Variants in SEMA6D observed in about 807,000 individuals in gnomAD.
The protein encoded by SEMA6D is semaphorin 6D.
In SEMA6D, 35 loss-of-function variants were observed where a neutral mutation model predicts 106.6. The observed-to-expected ratio is 0.33, with a 90% CI of 0.25 to 0.44. The LOEUF is 0.44. Ranked by LOEUF, SEMA6D falls within the 20% of genes least tolerant of loss-of-function variation. SEMA6D has a pLI of 1.00. For missense variants in SEMA6D, 1,185 were observed against 1,345.9 expected (o/e 0.88, Z 1.87); for synonymous variants, 499 against 487.7 (o/e 1.02, Z -0.31).
chr15:47,336,759 G>A (rs572370733), intron 1 of SEMA6D, among the ~76,000 whole-genome samples: 2 of 152,288 alleles, frequency 1.3e-5, no homozygotes, highest in Non-Finnish European at 2.9e-5. Flanking sequence ...CTCTGAAACA[G>A]TGTGGGGTGC....
chr15:47,654,207 A>T (rs560317304), intron 4 of SEMA6D, among the ~76,000 whole-genome samples: 1 of 152,258 alleles, frequency 6.6e-6, no homozygotes, highest in African/African-American at 2.4e-5. Context: ...ACCACTTTTT[A>T]ACCAGTTTTG....
chr15:47,543,362 A>G (rs2045415742), intron 3 of SEMA6D, among the ~76,000 whole-genome samples: 1 of 152,176 alleles, frequency 6.6e-6, no homozygotes, highest in East Asian at 1.9e-4. Context: ...TTCTCATGAT[A>G]GGGAATAAGT....
chr15:47,422,188 T>G (rs56219593), intron 2 of SEMA6D, among the ~76,000 whole-genome samples: 2,928 of 79,322 alleles, frequency 0.037, 56 homozygotes, highest in African/African-American at 0.12. Flanking sequence ...CTGCCTTCCT[T>G]CCTTCCTTCC....
Position 47,771,068 on chromosome 15 carries a change from T to C in SEMA6D, c.2505T>C (p.His835=). 1.2e-6 allele frequency: 2 copies of C among 1,614,158 alleles called. No homozygotes were observed. The highest frequency in any genetic ancestry group is 1.7e-6 in the Non-Finnish European group (2 of 1,180,002). ...PSAIVLPNAT[H]DYNTSFSNSN... is the part of the protein sequence containing the mutation. Reference sequence around the variant, plus strand: ...CCATTGTTCTTCCAAATGCTACCCATGACTACAACACGTCTTTCTCAAACT... The same window carrying C: ...CCATTGTTCTTCCAAATGCTACCCACGACTACAACACGTCTTTCTCAAACT... Residue 835 remains histidine (H), a synonymous_variant, in exon 19 of 19, where the codon CAT becomes CAC. Transcript: ENST00000536845.
At chr15:47,541,668 G>A (rs1319729126) in intron 3 of SEMA6D, among the ~76,000 whole-genome samples, 1 of 152,146 alleles carries the variant, frequency 6.6e-6, no homozygotes, top group Admixed American at 6.6e-5. Flanking sequence ...ACAGAATCCT[G>A]TATCTACAGA....
chr15:47,559,528 A>G (rs1290870226), intron 3 of SEMA6D, among the ~76,000 whole-genome samples: 2 of 152,182 alleles, frequency 1.3e-5, no homozygotes, highest in Non-Finnish European at 2.9e-5. Flanking sequence ...TGACAGTTAA[A>G]GCTTAGTAGA....
At chr15:47,635,494 T>C (rs1235638000) in intron 4 of SEMA6D, among the ~76,000 whole-genome samples, 2 of 152,214 alleles carry the variant, frequency 1.3e-5, no homozygotes, top group Non-Finnish European at 2.9e-5. Flanking sequence ...GCCAGACAGA[T>C]GTCTTAAGAT....
intron 1 of SEMA6D, among the ~76,000 whole-genome samples, chr15:47,223,375 CAA>C (rs1436201305): frequency 4.6e-5 from 7 of 152,064 alleles, no homozygotes; most frequent in African/African-American, 1.4e-4. Context: ...ACTTTTCTGT[CAA>C]AGAGATTTGT....
In SEMA6D at chr15:47,764,850, T is replaced by C. The variant is rs369065694; in HGVS notation, c.1254-33T>C. 37 of 1,613,242 alleles carry C rather than the reference T, an allele frequency of 2.3e-5. No homozygotes were observed. The African/African-American group carries it at 4.8e-4, about 21-fold the overall frequency. Reference sequence around the variant, plus strand: ...TCAACGTTTTCTCTGCCCGTTGGCCTCCCCTTCTGATCTGTGCCGCCTCCT... The same window carrying C: ...TCAACGTTTTCTCTGCCCGTTGGCCCCCCCTTCTGATCTGTGCCGCCTCCT... On this transcript the variant is annotated intron_variant, in intron 12 of 18. Coordinates refer to ENST00000536845, the MANE Select transcript of SEMA6D (RefSeq NM_001358351.3).
At chr15:47,535,175 T>C (rs2045118341) in intron 3 of SEMA6D, among the ~76,000 whole-genome samples, 1 of 150,194 alleles carries the variant, frequency 6.7e-6, no homozygotes, top group South Asian at 2.1e-4. Context: ...AGCAACAGAG[T>C]CTGAGAAAGC....
chr15:47,224,189 T>A (rs991239058), intron 1 of SEMA6D, among the ~76,000 whole-genome samples: 9 of 151,554 alleles, frequency 5.9e-5, no homozygotes, highest in Non-Finnish European at 1.2e-4. Context: ...AAAATAAAAT[T>A]AAATTTAAAA....
At chr15:47,305,660 A>T (rs574843401) in intron 1 of SEMA6D, among the ~76,000 whole-genome samples, 18 of 152,326 alleles carry the variant, frequency 1.2e-4, no homozygotes, top group South Asian at 8.3e-4. Flanking sequence ...TCTGAAGCAC[A>T]TGTTAATGAA....
At chr15:47,344,765 G>A (rs1303672306) in intron 1 of SEMA6D, among the ~76,000 whole-genome samples, 1 of 152,152 alleles carries the variant, frequency 6.6e-6, no homozygotes, top group African/African-American at 2.4e-5. Context: ...AGGAAAAGAA[G>A]TAAAACTCTT....
intron 1 of SEMA6D, among the ~76,000 whole-genome samples, chr15:47,306,077 G>A (rs2036220035): frequency 6.6e-6 from 1 of 152,086 alleles, no homozygotes; most frequent in African/African-American, 2.4e-5. Context: ...TGCCTCCTGG[G>A]TTCAAGTGAT....
chr15:47,221,686 C>T (rs1308862658), intron 1 of SEMA6D, among the ~76,000 whole-genome samples: 2 of 152,182 alleles, frequency 1.3e-5, no homozygotes, highest in African/African-American at 4.8e-5. Flanking sequence ...TTGTCATCAA[C>T]AGGTATCGCA....
chr15:47,210,832 C>T (rs1245123015), intron 1 of SEMA6D, among the ~76,000 whole-genome samples: 5 of 150,456 alleles, frequency 3.3e-5, no homozygotes, highest in African/African-American at 1.2e-4. Flanking sequence ...AATGATGGTC[C>T]AGTTAAACCT....
chr15:47,241,898 T>G (rs1017670028), intron 1 of SEMA6D, among the ~76,000 whole-genome samples: 1 of 152,108 alleles, frequency 6.6e-6, no homozygotes, highest in South Asian at 2.1e-4. Context: ...TTTCCCTCCC[T>G]GTATTTCTGG....
At chr15:47,483,837 T>G (rs1251919514) in intron 3 of SEMA6D, among the ~76,000 whole-genome samples, 2 of 152,106 alleles carry the variant, frequency 1.3e-5, no homozygotes, top group African/African-American at 4.8e-5. Flanking sequence ...GGCTATGCTA[T>G]CTCAGTCTCA....
At chr15:47,631,714 T>C (rs2077296157) in intron 4 of SEMA6D, among the ~76,000 whole-genome samples, 1 of 151,970 alleles carries the variant, frequency 6.6e-6, no homozygotes, top group African/African-American at 2.4e-5. Context: ...ACCTATTCTG[T>C]AGAACCAGAG....
Sources: gnomAD v4.1 joint callset for allele counts (sites outside exome capture counted in the v4.1 genomes callset) on GRCh38, gnomAD v4.1.1 for gene constraint, MANE v1.5 for transcripts, NCBI Gene and HGNC (gene_info 2026-07-23, HGNC 2026-07-21) for gene names.